Variants in RIN2 observed in about 807,000 individuals in gnomAD.
The protein encoded by RIN2 is RAB5 interacting protein 2.
Under a neutral mutation model 78.0 loss-of-function variants are expected in RIN2, and 36 were observed. The ratio of observed to expected loss-of-function variants is 0.46; its 90% CI spans 0.35 to 0.61. The LOEUF is 0.61. RIN2 is among the 20% of genes least tolerant of loss of function. The pLI, the probability that RIN2 is intolerant of heterozygous loss-of-function variation, is 0.00. For synonymous variants in RIN2, 466 were observed against 466.8 expected (o/e 1.00, Z 0.02); for missense variants, 1,087 against 1,159.7 (o/e 0.94, Z 0.91).
chr20:19,792,889 G>A (rs2034932220), intron 1 of RIN2, among the ~76,000 whole-genome samples: 1 of 152,028 alleles, frequency 6.6e-6, no homozygotes, highest in African/African-American at 2.4e-5. Context: ...TTGGCAGGAT[G>A]GTAACAGGAG....
chr20:19,985,227 G>A (rs906154638), intron 9 of RIN2, among the ~76,000 whole-genome samples: 2 of 152,230 alleles, frequency 1.3e-5, no homozygotes, highest in African/African-American at 2.4e-5. Flanking sequence ...TAGGTGGTCA[G>A]CATGAAGGAA....
intron 2 of RIN2, among the ~76,000 whole-genome samples, chr20:19,818,601 G>A (rs1013675680): frequency 1.3e-5 from 2 of 152,008 alleles, no homozygotes; most frequent in African/African-American, 4.8e-5. Flanking sequence ...GCATGGTGGT[G>A]CATGCCTGTA....
chr20:19,960,684 C>A lies in RIN2; in HGVS notation c.352-16C>A. On this transcript the variant is annotated splice_polypyrimidine_tract_variant and intron_variant, in intron 5 of 12. Coordinates refer to ENST00000255006, the MANE Select transcript of RIN2 (RefSeq NM_018993.4). ...TAGATATTTCCTAAAGCTTGTATTT[C>A]TTTTCCCTCCACTAGATCTTCCTGG... 6.5e-7 allele frequency: 1 copy of A among 1,532,204 alleles called. No homozygotes were observed. Among genetic ancestry groups the A allele is most frequent in the Non-Finnish European group, 8.9e-7 (1 of 1,122,016 alleles). 94.9% of individuals were successfully genotyped at this position (1,532,204 alleles called of 1,614,324 possible).
At chr20:19,919,344 C>T (rs377684952) in intron 3 of RIN2, among the ~76,000 whole-genome samples, 1 of 152,138 alleles carries the variant, frequency 6.6e-6, no homozygotes. Flanking sequence ...CCTGCAGGCC[C>T]CTTCAACCTG....
intron 4 of RIN2, among the ~76,000 whole-genome samples, chr20:19,954,114 T>C (rs2041438004): frequency 6.6e-6 from 1 of 152,240 alleles, no homozygotes; most frequent in African/African-American, 2.4e-5. Context: ...GTATTATTAT[T>C]GAGTCTGCAC....
intron 2 of RIN2, among the ~76,000 whole-genome samples, chr20:19,876,308 C>G (rs887538418): frequency 2.6e-5 from 4 of 152,098 alleles, no homozygotes; most frequent in African/African-American, 9.7e-5. Flanking sequence ...ATCTTCAGGT[C>G]GTATAAATCT....
At chr20:19,996,629 C>T (rs747422277) in intron 11 of RIN2, 50 bp from the exon 12 acceptor site, 12 of 1,594,712 alleles carry the variant, frequency 7.5e-6, no homozygotes, top group East Asian at 2.2e-5. Flanking sequence ...TGTTATCACC[C>T]GTGAGCGGAG....
At chr20:19,886,455 T>C in intron 2 of RIN2, 1 of 481,522 alleles carries the variant, frequency 2.1e-6, no homozygotes, top group Non-Finnish European at 3.7e-6. Context: ...TCTAGGAGAA[T>C]GAGGAATAGT....
intron 2 of RIN2, chr20:19,823,686 C>G: frequency 6.3e-7 from 1 of 1,583,358 alleles, no homozygotes; most frequent in South Asian, 1.1e-5. Flanking sequence ...TTGGTGGTTC[C>G]TTGAGGGCTT....
chr20:19,760,288 G>T (rs1285461696), intron 1 of RIN2, among the ~76,000 whole-genome samples: 2 of 152,186 alleles, frequency 1.3e-5, no homozygotes, highest in African/African-American at 4.8e-5. Flanking sequence ...CTTGCTCTCA[G>T]TAGTTGGAGG....
At chr20:19,948,978 T>G (rs2041207054) in intron 4 of RIN2, among the ~76,000 whole-genome samples, 1 of 146,886 alleles carries the variant, frequency 6.8e-6, no homozygotes, top group Admixed American at 6.7e-5. Context: ...GTAATTTTAC[T>G]TTAAAAAAAA....
chr20:19,796,038 GAAAGA>G (rs2035044423), intron 1 of RIN2, among the ~76,000 whole-genome samples: 1 of 150,826 alleles, frequency 6.6e-6, no homozygotes, highest in African/African-American at 2.4e-5. Flanking sequence ...TAAAAAAAAA[GAAAGA>G]AGAGAAGAGA....
chr20:19,977,279 TC>T (rs1177031186), intron 9 of RIN2, among the ~76,000 whole-genome samples: 1 of 152,108 alleles, frequency 6.6e-6, no homozygotes, highest in Non-Finnish European at 1.5e-5. Flanking sequence ...TGGCCTTCCC[TC>T]CCTGCTGATG....
intron 1 of RIN2, among the ~76,000 whole-genome samples, chr20:19,798,479 G>A (rs1191605810): frequency 6.6e-6 from 1 of 151,994 alleles, no homozygotes; most frequent in African/African-American, 2.4e-5. Context: ...CCAAGACTAT[G>A]AAGTATTAGG....
chr20:19,935,370 C>G (rs1411275992), intron 4 of RIN2, 171 bp downstream of exon 4: 3 of 1,307,660 alleles, frequency 2.3e-6, no homozygotes, highest in African/African-American at 1.5e-5. Flanking sequence ...AACTAGTTGT[C>G]TGCTTGTTTA....
chr20:19,759,231 TCTC>T (rs2033526553), intron 1 of RIN2, among the ~76,000 whole-genome samples: 1 of 152,196 alleles, frequency 6.6e-6, no homozygotes, highest in African/African-American at 2.4e-5. Flanking sequence ...GCGCCTGTCT[TCTC>T]AGAGCTCTTA....
At chr20:19,875,895 G>A (rs2037841001) in intron 2 of RIN2, among the ~76,000 whole-genome samples, 1 of 152,198 alleles carries the variant, frequency 6.6e-6, no homozygotes, top group Non-Finnish European at 1.5e-5. Context: ...GCAGAGGATG[G>A]GAAGGAAGAT....
At chr20:19,775,249 G>A (rs372019392) in intron 1 of RIN2, among the ~76,000 whole-genome samples, 4 of 152,210 alleles carry the variant, frequency 2.6e-5, no homozygotes, top group Non-Finnish European at 4.4e-5. Flanking sequence ...GGGTTAACTC[G>A]TGTAATAGGA....
rs529824959 is a variant in RIN2 at position 19,819,595 on chromosome 20, G to C, written c.-37+19848G>C. ...GTCTCACCGAGGCTAGAGTGCAGTG[G>C]CACAATCACGGCTCACTGTAACCTC... is the stretch of plus-strand genomic sequence containing the variant. On this transcript the variant is annotated intron_variant, in intron 2 of 12. Transcript: ENST00000255006. Among the ~76,000 whole-genome samples the C allele has an allele frequency of 2.6e-5, 4 of 152,296 alleles. No homozygotes were observed. The South Asian group carries it at 8.3e-4, about 32-fold the overall frequency.
Sources: gnomAD v4.1 joint callset for allele counts (sites outside exome capture counted in the v4.1 genomes callset) on GRCh38, gnomAD v4.1.1 for gene constraint, MANE v1.5 for transcripts, NCBI Gene and HGNC (gene_info 2026-07-23, HGNC 2026-07-21) for gene names.